The following NCAM2 variants were observed in gnomAD, a reference collection of about 807,000 sequenced individuals.
NCAM2 encodes the protein neural cell adhesion molecule 2.
In NCAM2, 30 loss-of-function variants were observed where a neutral mutation model predicts 98.1. That is an observed-to-expected ratio of 0.31 (90% confidence interval 0.23 to 0.41). The LOEUF is 0.41. Ranked by LOEUF, NCAM2 falls within the 10% of genes least tolerant of loss-of-function variation. The pLI is 1.00. For missense variants in NCAM2, 867 were observed against 1,005.8 expected, an observed-to-expected ratio of 0.86 and a Z score of 1.87; for synonymous variants, 368 against 342.4, an observed-to-expected ratio of 1.07 and a Z score of -0.83.
intron 9 of NCAM2, among the ~76,000 whole-genome samples, chr21:21,376,147 C>A (rs1373483): frequency 0.09 from 13,594 of 151,728 alleles, 780 homozygotes; most frequent in East Asian, 0.3. Context: ...ACTGTTGGGA[C>A]CTATTTATAC....
intron 15 of NCAM2, among the ~76,000 whole-genome samples, chr21:21,508,504 G>A (rs1249490709): frequency 6.6e-6 from 1 of 151,656 alleles, no homozygotes; most frequent in Non-Finnish European, 1.5e-5. Context: ...TACATTTAGG[G>A]ATATGATAAT....
intron 5 of NCAM2, among the ~76,000 whole-genome samples, chr21:21,299,102 A>G (rs968533901): frequency 3.3e-5 from 5 of 151,706 alleles, no homozygotes; most frequent in Admixed American, 6.6e-5. Context: ...CAGTAAAATA[A>G]AAGTCACCAT....
chr21:21,182,972 G>A (rs186819863), intron 1 of NCAM2, among the ~76,000 whole-genome samples: 26 of 152,158 alleles, frequency 1.7e-4, no homozygotes, highest in Middle Eastern at 3.4e-3. Context: ...AATTTTGAAC[G>A]TGTACTTTTA....
chr21:21,283,062 C>G, intron 2 of NCAM2, among the ~76,000 whole-genome samples: 1 of 151,754 alleles, frequency 6.6e-6, no homozygotes, highest in East Asian at 1.9e-4. Flanking sequence ...TAAAACACAT[C>G]CCTCCTCTTC....
intron 9 of NCAM2, among the ~76,000 whole-genome samples, chr21:21,389,891 C>T (rs1471392903): frequency 6.6e-6 from 1 of 152,156 alleles, no homozygotes; most frequent in Non-Finnish European, 1.5e-5. Flanking sequence ...CACTCTGTTG[C>T]CAGGCTATAG....
At chr21:21,471,124 C>T (rs916765313) in intron 14 of NCAM2, among the ~76,000 whole-genome samples, 4 of 151,956 alleles carry the variant, frequency 2.6e-5, no homozygotes, top group Non-Finnish European at 4.4e-5. Context: ...GAGGCAACCC[C>T]TCAATCACTA....
At chr21:21,360,267 AT>A (rs1196695054) in intron 8 of NCAM2, among the ~76,000 whole-genome samples, 2 of 151,966 alleles carry the variant, frequency 1.3e-5, no homozygotes, top group African/African-American at 4.8e-5. Context: ...TAAAAAAGAT[AT>A]ATTCAATGAA....
chr21:21,263,843 C>T (rs950658964), intron 1 of NCAM2, among the ~76,000 whole-genome samples: 1 of 151,886 alleles, frequency 6.6e-6, no homozygotes, highest in African/African-American at 2.4e-5. Flanking sequence ...TTGAACCACG[C>T]ACAAAAAGTA....
At chr21:21,399,644 G>A (rs1054180218) in intron 9 of NCAM2, among the ~76,000 whole-genome samples, 17 of 152,014 alleles carry the variant, frequency 1.1e-4, no homozygotes, top group East Asian at 1.9e-4. Flanking sequence ...ATTGTATATC[G>A]TGAGTTTTAT....
chr21:21,082,281 C>CA (rs11384165), intron 1 of NCAM2, among the ~76,000 whole-genome samples: 72,988 of 127,654 alleles, frequency 0.57, 22,602 homozygotes, highest in East Asian at 0.68. Context: ...GAGCTCAAAA[C>CA]AAAAAAAAAA....
At chr21:21,303,624 T>C (rs1038475373) in intron 5 of NCAM2, among the ~76,000 whole-genome samples, 1 of 152,158 alleles carries the variant, frequency 6.6e-6, no homozygotes, top group Non-Finnish European at 1.5e-5. Flanking sequence ...GTTAAATACC[T>C]GTGAGAGGTA....
chr21:21,306,139 A>G (rs1405693436), intron 5 of NCAM2, among the ~76,000 whole-genome samples: 1 of 152,164 alleles, frequency 6.6e-6, no homozygotes, highest in South Asian at 2.1e-4. Flanking sequence ...TTCCTGATGC[A>G]CTTAAAAAGA....
At chr21:21,405,897 C>A (rs1569026878) in intron 9 of NCAM2, among the ~76,000 whole-genome samples, 1 of 152,074 alleles carries the variant, frequency 6.6e-6, no homozygotes, top group Non-Finnish European at 1.5e-5. Context: ...CTTACCTGCC[C>A]ATTCATAATT....
chr21:21,436,783 A>G (rs1978398943), intron 12 of NCAM2, among the ~76,000 whole-genome samples: 1 of 140,206 alleles, frequency 7.1e-6, no homozygotes, highest in Non-Finnish European at 1.5e-5. Flanking sequence ...TTTTTTTTTG[A>G]GACAGAATCT....
At chr21:21,103,844 T>G (rs969314798) in intron 1 of NCAM2, among the ~76,000 whole-genome samples, 1 of 152,116 alleles carries the variant, frequency 6.6e-6, no homozygotes, top group Non-Finnish European at 1.5e-5. Flanking sequence ...TAATGACTTA[T>G]TTATTATCGA....
chr21:21,459,920 G>A (rs1429600161), intron 12 of NCAM2, among the ~76,000 whole-genome samples: 1 of 151,768 alleles, frequency 6.6e-6, no homozygotes, highest in East Asian at 1.9e-4. Flanking sequence ...TGTACTAAGA[G>A]GCTACATATT....
chr21:21,264,454 A>G (rs2072046947), intron 1 of NCAM2, among the ~76,000 whole-genome samples: 1 of 151,992 alleles, frequency 6.6e-6, no homozygotes, highest in Non-Finnish European at 1.5e-5. Flanking sequence ...TCAAAGAGCT[A>G]AAAATAGAAC....
At chr21:21,127,174 T>C (rs2066843948) in intron 1 of NCAM2, among the ~76,000 whole-genome samples, 1 of 151,920 alleles carries the variant, frequency 6.6e-6, no homozygotes. Context: ...TATTTAAGCA[T>C]AAAATGAACA....
chr21:21,184,945 C>T (rs1229659190), intron 1 of NCAM2, among the ~76,000 whole-genome samples: 1 of 152,126 alleles, frequency 6.6e-6, no homozygotes, highest in Non-Finnish European at 1.5e-5. Context: ...GTACACCACA[C>T]TTACAGATGC....
Sources: gnomAD v4.1 joint callset for allele counts (sites outside exome capture counted in the v4.1 genomes callset) on GRCh38, gnomAD v4.1.1 for gene constraint, MANE v1.5 for transcripts, NCBI Gene and HGNC (gene_info 2026-07-23, HGNC 2026-07-21) for gene names.